Variants in TRAPPC9 observed in about 807,000 individuals in gnomAD.
TRAPPC9 encodes the protein IKK2 binding protein.
Under a neutral mutation model 124.0 loss-of-function variants are expected in TRAPPC9, and 83 were observed. The ratio of observed to expected loss-of-function variants is 0.67; its 90% CI spans 0.56 to 0.80. The LOEUF (loss-of-function observed/expected upper bound fraction) is 0.80, where lower values mean the gene tolerates loss of function less well. TRAPPC9 is among the 30% of genes least tolerant of loss of function. TRAPPC9 has a pLI of 0.00. For missense variants in TRAPPC9, 1,302 were observed against 1,508.3 expected, an observed-to-expected ratio of 0.86 and a Z score of 2.27; for synonymous variants, 638 against 617.5, an observed-to-expected ratio of 1.03 and a Z score of -0.49.
chr8:140,280,410 T>G (rs1588084132), intron 14 of TRAPPC9, among the ~76,000 whole-genome samples: 1 of 152,152 alleles, frequency 6.6e-6, no homozygotes, highest in South Asian at 2.1e-4. Flanking sequence ...TGATACCTAT[T>G]GTTTTTTTGT....
At chr8:140,294,048 C>T (rs1231460657) in intron 11 of TRAPPC9, among the ~76,000 whole-genome samples, 1 of 152,056 alleles carries the variant, frequency 6.6e-6, no homozygotes, top group African/African-American at 2.4e-5. Context: ...GGAGAACCCA[C>T]CTGACAGGCT....
At chr8:140,351,189 G>A (rs1299855872) in intron 9 of TRAPPC9, among the ~76,000 whole-genome samples, 1 of 151,130 alleles carries the variant, frequency 6.6e-6, no homozygotes, top group African/African-American at 2.4e-5. Flanking sequence ...ACAGGCCCAC[G>A]CTAGTCGCTG....
At chr8:140,037,001 C>A (rs553198814) in intron 17 of TRAPPC9, among the ~76,000 whole-genome samples, 5 of 152,194 alleles carry the variant, frequency 3.3e-5, no homozygotes, top group East Asian at 3.9e-4. Context: ...CCCCTAGCCC[C>A]CCACCCCCGA....
Position 139,731,111 on chromosome 8 carries a change from A to C in TRAPPC9, c.3397T>G (p.Trp1133Gly), listed in dbSNP as rs1295527533. The change falls in exon 23 of 23, where the codon TGG (tryptophan) becomes GGG (glycine). Residue 1133 changes from tryptophan to glycine, a missense_variant. Coordinates refer to ENST00000438773, the MANE Select transcript of TRAPPC9 (RefSeq NM_001160372.4). ...ACGTGCACACTGGGCAGGCAGAACCAAGAGGGTGGCAGCTCCTTGCTGGTG... is the reference window on the plus strand; with the variant it reads ...ACGTGCACACTGGGCAGGCAGAACCCAGAGGGTGGCAGCTCCTTGCTGGTG... ...DSTSKELPPSWFCLPSVHVCA... is the reference protein window; with the variant it reads ...DSTSKELPPSGFCLPSVHVCA... 1 of 1,613,896 alleles carries C rather than the reference A, an allele frequency of 6.2e-7. No homozygotes were observed. The highest frequency in any genetic ancestry group is 2.2e-5 in the East Asian group (1 of 44,866).
At chr8:140,347,190 G>C (rs2067374657) in intron 9 of TRAPPC9, among the ~76,000 whole-genome samples, 1 of 152,206 alleles carries the variant, frequency 6.6e-6, no homozygotes, top group Admixed American at 6.5e-5. Flanking sequence ...ATGGGCTCCA[G>C]GCCATCCCCA....
intron 21 of TRAPPC9, among the ~76,000 whole-genome samples, chr8:139,866,937 T>C (rs1015607906): frequency 6.6e-6 from 1 of 152,138 alleles, no homozygotes; most frequent in African/African-American, 2.4e-5. Flanking sequence ...CAGGGTCAAG[T>C]GATTCTCTTG....
intron 4 of TRAPPC9, among the ~76,000 whole-genome samples, chr8:140,427,340 C>T (rs558707244): frequency 3.3e-5 from 5 of 151,502 alleles, no homozygotes; most frequent in Non-Finnish European, 5.9e-5. Context: ...CTTTTCACAA[C>T]CCCCCTAAAA....
chr8:139,830,582 ACACATG>A (rs1172799059), intron 21 of TRAPPC9, among the ~76,000 whole-genome samples: 1 of 151,858 alleles, frequency 6.6e-6, no homozygotes, highest in Non-Finnish European at 1.5e-5. Context: ...GCACACACAT[ACACATG>A]CACACACCAC....
intron 3 of TRAPPC9, among the ~76,000 whole-genome samples, chr8:140,436,189 T>C (rs1382529700): frequency 6.6e-6 from 1 of 151,820 alleles, no homozygotes; most frequent in Non-Finnish European, 1.5e-5. Context: ...CTACTAAAAA[T>C]ACAAAAATTG....
chr8:140,295,455 G>A (rs1440729379), intron 11 of TRAPPC9, among the ~76,000 whole-genome samples: 3 of 152,208 alleles, frequency 2.0e-5, no homozygotes, highest in African/African-American at 7.2e-5. Flanking sequence ...AGCCTCTCCA[G>A]GCCACCACGC....
intron 17 of TRAPPC9, among the ~76,000 whole-genome samples, chr8:140,039,261 A>T (rs572694868): frequency 6.6e-6 from 1 of 152,320 alleles, no homozygotes; most frequent in South Asian, 2.1e-4. Context: ...CATTTACTCA[A>T]ATGGTAGAGA....
intron 17 of TRAPPC9, among the ~76,000 whole-genome samples, chr8:140,105,524 C>G (rs1185643375): frequency 6.6e-6 from 1 of 152,186 alleles, no homozygotes; most frequent in African/African-American, 2.4e-5. Flanking sequence ...AAGCAGAGCG[C>G]CATGTGTATA....
chr8:140,334,758 T>A (rs1420815764), intron 9 of TRAPPC9, among the ~76,000 whole-genome samples: 1 of 152,140 alleles, frequency 6.6e-6, no homozygotes, highest in Non-Finnish European at 1.5e-5. Context: ...TGAACAGACA[T>A]GATCCCTGTC....
Position 140,018,324 on chromosome 8 carries a change from A to ATTTTTTCTTTTTTTTTTT in TRAPPC9, c.2699+5612_2699+5613insAAAAAAAAAAAGAAAAAA, listed in dbSNP as rs765656679. 2.6e-4 allele frequency among the ~76,000 whole-genome samples: 31 copies of ATTTTTTCTTTTTTTTTTT among 119,782 alleles called. 9 individuals are homozygous for ATTTTTTCTTTTTTTTTTT. The highest frequency in any genetic ancestry group is 5.2e-4 in the South Asian group (2 of 3,834). 78.6% of individuals were successfully genotyped at this position (119,782 alleles called of 152,430 possible). A position where few individuals can be genotyped will look rare whatever the true frequency, so the allele number is the denominator to read the frequency against. On this transcript the variant is annotated intron_variant, in intron 18 of 22. Transcript: ENST00000438773. ...TTGCTGGTATATAGAAACGTAAGTG[A>ATTTTTTCTTTTTTTTTTT]TTTTTTTTTTTTTTTTTGAGACGGA...
At chr8:140,294,677 G>A (rs2065756490) in intron 11 of TRAPPC9, among the ~76,000 whole-genome samples, 5 of 149,694 alleles carry the variant, frequency 3.3e-5, no homozygotes, top group Admixed American at 3.3e-4. Flanking sequence ...GTGTGATCTC[G>A]GCTCACTGCA....
At chr8:139,913,117 G>A (rs1391897455) in intron 19 of TRAPPC9, among the ~76,000 whole-genome samples, 6 of 152,324 alleles carry the variant, frequency 3.9e-5, no homozygotes, top group South Asian at 2.1e-4. Flanking sequence ...GAACTACAAC[G>A]GTGTGATATC....
Position 140,439,209 on chromosome 8 carries a change from A to G in TRAPPC9, c.585-12T>C. On this transcript the variant is annotated splice_polypyrimidine_tract_variant and intron_variant, in intron 2 of 22. Transcript: ENST00000438773. ...GCTTCTTGTAATGTCTAGAAAATAC[A>G]TGAAAATGTATCTTTATTACTATAC... 1 of 1,613,910 alleles carries G rather than the reference A, an allele frequency of 6.2e-7. No homozygotes were observed. The highest frequency in any genetic ancestry group is 8.5e-7 in the Non-Finnish European group (1 of 1,179,930).
intron 17 of TRAPPC9, among the ~76,000 whole-genome samples, chr8:140,029,896 T>C (rs904154784): frequency 2.0e-5 from 3 of 152,024 alleles, no homozygotes; most frequent in Admixed American, 6.6e-5. Context: ...AAAATATTTT[T>C]AAAGTACTAA....
At chr8:139,819,459 T>C (rs1371692738) in intron 21 of TRAPPC9, among the ~76,000 whole-genome samples, 1 of 152,168 alleles carries the variant, frequency 6.6e-6, no homozygotes, top group African/African-American at 2.4e-5. Flanking sequence ...CAGTCCCTGA[T>C]GCCAAAAAGG....
Sources: allele counts gnomAD v4.1 joint callset (sites outside exome capture counted in the v4.1 genomes callset), GRCh38; gene constraint gnomAD v4.1.1; transcripts MANE v1.5; gene names NCBI Gene and HGNC (gene_info 2026-07-23, HGNC 2026-07-21).